Variants in ITGAV observed in about 807,000 individuals in gnomAD.
The protein encoded by ITGAV is integrin subunit alpha V, also known as integrin alpha-V.
In ITGAV, 76 loss-of-function variants were observed where a neutral mutation model predicts 143.8. The observed-to-expected ratio is 0.53, with a 90% CI of 0.44 to 0.64. The LOEUF (loss-of-function observed/expected upper bound fraction) is 0.64. Among genes scored for constraint, ITGAV ranks in the 30% least tolerant of loss-of-function variants. The probability of loss-of-function intolerance (pLI) is 0.00; values close to 1 mark genes in which losing one functional copy is unlikely to be tolerated. For missense variants in ITGAV, 1,193 were observed against 1,274.7 expected (o/e 0.94, Z 0.98); for synonymous variants, 453 against 446.7 (o/e 1.01, Z -0.18).
chr2:186,652,931 A>ATTTTTTTTTTTTTTT (rs35139936), intron 15 of ITGAV, among the ~76,000 whole-genome samples: 1 of 82,424 alleles, frequency 1.2e-5, no homozygotes, highest in Admixed American at 1.8e-4. Context: ...TTCATTATAG[A>ATTTTTTTTTTTTTTT]TTTTTTTTTT....
In ITGAV at chr2:186,667,768, A is replaced by G; in HGVS notation, c.2425A>G (p.Ile809Val). ...EEDVGPVVQH[I>V]YELRNNGPSS... Reference sequence around the variant, plus strand: ...AGATGTTGGGCCAGTTGTTCAGCACATCTATGAGGTTTGCAGTTGTTAGAT... The same window carrying G: ...AGATGTTGGGCCAGTTGTTCAGCACGTCTATGAGGTTTGCAGTTGTTAGAT... The change falls in exon 24 of 30, where the codon ATC (isoleucine) becomes GTC (valine). Residue 809 changes from isoleucine to valine, a missense_variant. Ile to Val is a conservative substitution (Grantham distance 29). Coordinates refer to ENST00000261023, the MANE Select transcript of ITGAV (RefSeq NM_002210.5). The G allele has an allele frequency of 3.1e-6, 5 of 1,599,970 alleles. No individual in the cohort carries two copies. Among genetic ancestry groups the G allele is most frequent in the South Asian group, 2.3e-5 (2 of 88,858 alleles).
rs755347739 is a variant in ITGAV at position 186,646,745 on chromosome 2, A to G, written c.1219A>G (p.Asn407Asp). 1.2e-6 allele frequency: 2 copies of G among 1,610,854 alleles called. No individual in the cohort carries two copies. The highest frequency in any genetic ancestry group is 1.3e-5 in the African/African-American group (1 of 74,988). ...EDKKGIVYIFNGRSTGLNAVP... is the reference protein window; with the variant it reads ...EDKKGIVYIFDGRSTGLNAVP... ...TAAAAAAGGAATTGTTTATATCTTC[A>G]ATGGAAGATCAACAGGCTTGAACGC... The change falls in exon 13 of 30, where the codon AAT becomes GAT. Residue 407 changes from asparagine to aspartate, a missense_variant. Coordinates refer to ENST00000261023, the MANE Select transcript of ITGAV (RefSeq NM_002210.5).
In ITGAV at chr2:186,672,152, C is replaced by T. The variant is rs1559069897; in HGVS notation, c.2706+2338C>T. 2.0e-5 allele frequency among the ~76,000 whole-genome samples: 3 copies of T among 152,100 alleles called. No homozygotes were observed. In the Middle Eastern group the frequency reaches 0.01, roughly 517 times the overall value. On this transcript the variant is annotated intron_variant, in intron 26 of 29. Transcript: ENST00000261023. ...TGTTTTTAGTAGAGACGGGGTTTCA[C>T]CATGTTAGCCAGGATGCTTGATCTC...
intron 1 of ITGAV, among the ~76,000 whole-genome samples, chr2:186,592,752 C>T (rs990356677): frequency 1.4e-4 from 21 of 152,018 alleles, no homozygotes; most frequent in African/African-American, 5.1e-4. Flanking sequence ...TAAAATTGAA[C>T]TTGGGTTTGG....
At chr2:186,652,714 A>G (rs1443600242) in intron 15 of ITGAV, among the ~76,000 whole-genome samples, 1 of 152,174 alleles carries the variant, frequency 6.6e-6, no homozygotes, top group Non-Finnish European at 1.5e-5. Flanking sequence ...TTTAAAAGAT[A>G]TCTTGTTTTT....
intron 24 of ITGAV, among the ~76,000 whole-genome samples, chr2:186,668,252 G>T (rs1297627077): frequency 2.0e-5 from 1 of 48,970 alleles, no homozygotes; most frequent in African/African-American, 8.1e-5. Flanking sequence ...TTGAGGTGAA[G>T]TCTTGCTCTG....
At chr2:186,668,185 C>CATATATGTGTATATAT (rs1553505647) in intron 24 of ITGAV, among the ~76,000 whole-genome samples, 1 of 19,076 alleles carries the variant, frequency 5.2e-5, no homozygotes, top group Non-Finnish European at 8.7e-5. Flanking sequence ...TACATACATA[C>CATATATGTGTATATAT]ATATATATAT....
intron 15 of ITGAV, among the ~76,000 whole-genome samples, chr2:186,652,691 G>A (rs549538814): frequency 1.4e-4 from 22 of 152,016 alleles, no homozygotes; most frequent in Non-Finnish European, 3.1e-4. Context: ...ACAGGCCCAT[G>A]AACACTTACA....
Position 186,667,212 on chromosome 2 carries a change from C to A in ITGAV, c.2309C>A (p.Ala770Asp). The A allele has an allele frequency of 6.2e-7, 1 of 1,610,904 alleles. No individual in the cohort carries two copies. Among genetic ancestry groups the A allele is most frequent in the Non-Finnish European group, 8.5e-7 (1 of 1,177,682 alleles). The change falls in exon 23 of 30, where the codon GCT (alanine) becomes GAT (aspartate). Residue 770 changes from alanine to aspartate, a missense_variant. Physicochemically the swap from Ala to Asp is moderately radical, Grantham distance 126. Coordinates refer to ENST00000261023, the MANE Select transcript of ITGAV (RefSeq NM_002210.5). ...VSHKVDLAVL[A>D]AVEIRGVSSP... ...CACAAAGTTGATCTTGCTGTTTTAG[C>A]TGCAGTTGAGATAAGAGGGTCAGTA...
intron 2 of ITGAV, among the ~76,000 whole-genome samples, chr2:186,611,067 A>G (rs966598297): frequency 6.6e-6 from 1 of 152,086 alleles, no homozygotes; most frequent in Non-Finnish European, 1.5e-5. Flanking sequence ...CAGCTTGTAG[A>G]GCCATTGGCA....
intron 3 of ITGAV, among the ~76,000 whole-genome samples, chr2:186,623,845 A>G (rs76688893): frequency 1.0e-3 from 158 of 152,206 alleles, no homozygotes; most frequent in African/African-American, 3.5e-3. Flanking sequence ...CATGTCCGCT[A>G]TTTCTACCCT....
chr2:186,675,437 A>G (rs921423726), intron 26 of ITGAV, among the ~76,000 whole-genome samples, 167 bp from the exon 27 acceptor site: 1 of 152,264 alleles, frequency 6.6e-6, no homozygotes, highest in Admixed American at 6.5e-5. Flanking sequence ...CCCCTTCACA[A>G]TAAAAAGCAT....
Position 186,679,520 on chromosome 2 carries a change from CA to C in ITGAV, c.*2234del, listed in dbSNP as rs1342674307. On this transcript the variant is annotated 3_prime_UTR_variant, in exon 30 of 30. Transcript: ENST00000261023. ...ATTTTTTTTTATCATGATTAAATATCAAAAAATTGCCCTATGAAAACTTTAA... is the reference window on the plus strand; with the variant it reads ...ATTTTTTTTTATCATGATTAAATATCAAAAATTGCCCTATGAAAACTTTAA... The C allele has an allele frequency of 6.6e-6, 1 of 151,514 alleles. No homozygotes were observed. Among genetic ancestry groups the C allele is most frequent in the Non-Finnish European group, 1.5e-5 (1 of 67,774 alleles). The allele number at this position is 151,514 out of a possible 1,614,324, so 9.4% of individuals were successfully genotyped here.
At chr2:186,635,589 T>G (rs993567911) in intron 6 of ITGAV, among the ~76,000 whole-genome samples, 3 of 152,220 alleles carry the variant, frequency 2.0e-5, no homozygotes, top group Non-Finnish European at 4.4e-5. Context: ...AGGCTGATTT[T>G]TGTGTAGTCA....
chr2:186,603,999 GGACTACAGA>G (rs1348421692), intron 2 of ITGAV, among the ~76,000 whole-genome samples: 26 of 151,860 alleles, frequency 1.7e-4, no homozygotes, highest in African/African-American at 6.0e-4. Context: ...CGAGGAGTTG[GGACTACAGA>G]GGTGTGCCAC....
Position 186,656,360 on chromosome 2 carries a change from G to T in ITGAV, c.1678G>T (p.Gly560Trp), listed in dbSNP as rs199845024. The change falls in exon 17 of 30, where the codon GGG becomes TGG. Residue 560 changes from glycine (G) to tryptophan (W), a missense_variant. Transcript: ENST00000261023. ...CTCCAAGAACATGACTATTTCAAGG[G>T]GGGGACTGATGCAGTGTGAGGAATT... ...SHSKNMTISR[G>W]GLMQCEELIA... The T allele has an allele frequency of 4.5e-6, 7 of 1,554,040 alleles. No homozygotes were observed. Among genetic ancestry groups the T allele is most frequent in the East Asian group, 5.1e-5 (2 of 39,164 alleles).
At chr2:186,625,105 T>C (rs1028690929) in intron 3 of ITGAV, among the ~76,000 whole-genome samples, 5 of 152,060 alleles carry the variant, frequency 3.3e-5, no homozygotes, top group African/African-American at 1.2e-4. Context: ...CCAGGTGTGG[T>C]AGGTATGGTG....
At chr2:186,607,585 A>T (rs73050263) in intron 2 of ITGAV, among the ~76,000 whole-genome samples, 4,203 of 152,136 alleles carry the variant, frequency 0.028, 207 homozygotes, top group African/African-American at 0.096. Context: ...TGTGTGGACA[A>T]AAAAAAATCT....
intron 12 of ITGAV, among the ~76,000 whole-genome samples, chr2:186,644,911 G>A (rs979807637): frequency 2.0e-5 from 3 of 152,050 alleles, no homozygotes; most frequent in Non-Finnish European, 2.9e-5. Context: ...TCAAGGCATC[G>A]TTGATGTTTC....
Sources: allele counts gnomAD v4.1 joint callset (sites outside exome capture counted in the v4.1 genomes callset), GRCh38; gene constraint gnomAD v4.1.1; transcripts MANE v1.5; gene names NCBI Gene and HGNC (gene_info 2026-07-23, HGNC 2026-07-21).